The following AGBL4 variants were observed in gnomAD, a reference collection of about 807,000 sequenced individuals.
AGBL4 encodes the protein AGBL carboxypeptidase 4.
AGBL4 carries 58 observed loss-of-function variants against 66.4 expected under a neutral mutation model. The observed-to-expected ratio is 0.87, with a 90% CI of 0.71 to 1.09. The LOEUF is 1.09. Among genes scored for constraint, AGBL4 ranks in the 50% least tolerant of loss-of-function variants. The pLI is 0.00. For missense variants in AGBL4, 579 were observed against 631.0 expected (o/e 0.92, Z 0.88); for synonymous variants, 234 against 222.9 (o/e 1.05, Z -0.44).
intron 2 of AGBL4, among the ~76,000 whole-genome samples, chr1:49,793,903 G>C (rs1644667566): frequency 6.6e-6 from 1 of 151,932 alleles, no homozygotes; most frequent in African/African-American, 2.4e-5. Context: ...TCAGAAGTGT[G>C]AGTTATTGAA....
intron 5 of AGBL4, among the ~76,000 whole-genome samples, chr1:48,892,652 GAGTTTC>G (rs1382890503): frequency 3.8e-4 from 58 of 152,292 alleles, no homozygotes; most frequent in African/African-American, 1.4e-3. Flanking sequence ...GCATTCTTTT[GAGTTTC>G]TGATTAGCCT....
chr1:49,924,031 C>A (rs1460521048), intron 1 of AGBL4, among the ~76,000 whole-genome samples: 2 of 152,146 alleles, frequency 1.3e-5, no homozygotes, highest in Admixed American at 6.6e-5. Flanking sequence ...ATGTTAATTG[C>A]AGCACTATTC....
intron 3 of AGBL4, among the ~76,000 whole-genome samples, chr1:49,301,632 T>C (rs1170131156): frequency 1.3e-5 from 2 of 152,216 alleles, no homozygotes; most frequent in Admixed American, 1.3e-4. Context: ...CCTAGTTTGC[T>C]TCCTGCTCAG....
intron 3 of AGBL4, among the ~76,000 whole-genome samples, chr1:49,535,996 A>C (rs567788697): frequency 1.3e-5 from 2 of 152,318 alleles, no homozygotes; most frequent in East Asian, 3.9e-4. Flanking sequence ...CCAGTGAAAT[A>C]ATGTTTCAGA....
chr1:49,062,046 C>T (rs145017199), intron 4 of AGBL4, among the ~76,000 whole-genome samples: 17 of 152,214 alleles, frequency 1.1e-4, no homozygotes, highest in Non-Finnish European at 1.3e-4. Context: ...GGAGTGCAAA[C>T]CCTATTGTGA....
At chr1:48,684,617 A>T (rs566973322) in intron 6 of AGBL4, among the ~76,000 whole-genome samples, 228 of 152,332 alleles carry the variant, frequency 1.5e-3, no homozygotes, top group Non-Finnish European at 2.8e-3. Flanking sequence ...TTCAAGTGCC[A>T]CTTATGCCTA....
At chr1:49,925,224 CAG>C (rs1402944288) in intron 1 of AGBL4, among the ~76,000 whole-genome samples, 2 of 152,142 alleles carry the variant, frequency 1.3e-5, no homozygotes, top group Non-Finnish European at 2.9e-5. Context: ...GGGCACCTGG[CAG>C]AGTCACGGGG....
chr1:48,862,325 T>C (rs1052811370), intron 6 of AGBL4, among the ~76,000 whole-genome samples: 1 of 152,102 alleles, frequency 6.6e-6, no homozygotes, highest in Non-Finnish European at 1.5e-5. Context: ...GGATTAAAAG[T>C]CACTTTAAAA....
intron 3 of AGBL4, among the ~76,000 whole-genome samples, chr1:49,352,552 G>T (rs12043096): frequency 0.44 from 66,314 of 151,532 alleles, 17,035 homozygotes; most frequent in Non-Finnish European, 0.58. Flanking sequence ...CTTCCAGGGG[G>T]AATAGCAACT....
At chr1:49,596,768 A>G (rs1644861236) in intron 3 of AGBL4, among the ~76,000 whole-genome samples, 1 of 152,210 alleles carries the variant, frequency 6.6e-6, no homozygotes, top group Non-Finnish European at 1.5e-5. Context: ...CAATGATCAC[A>G]TTTTGGAAAG....
chr1:48,942,310 TGGGGG>T (rs4028314), intron 5 of AGBL4, among the ~76,000 whole-genome samples: 1 of 143,108 alleles, frequency 7.0e-6, no homozygotes, highest in African/African-American at 2.6e-5. Context: ...ATTATTGTGG[TGGGGG>T]GGGGGGGTTG....
chr1:49,768,570 T>C (rs1033377084), intron 2 of AGBL4, among the ~76,000 whole-genome samples: 7 of 152,062 alleles, frequency 4.6e-5, no homozygotes, highest in East Asian at 1.9e-4. Context: ...GCCAGTATCA[T>C]AGTGAACAAG....
chr1:48,804,479 A>G (rs1215324730), intron 6 of AGBL4, among the ~76,000 whole-genome samples: 1 of 152,166 alleles, frequency 6.6e-6, no homozygotes, highest in Non-Finnish European at 1.5e-5. Context: ...GGATTTATAC[A>G]CAAGTCTCTC....
intron 1 of AGBL4, among the ~76,000 whole-genome samples, chr1:49,925,341 C>A (rs1341566356): frequency 6.6e-6 from 1 of 152,108 alleles, no homozygotes; most frequent in Non-Finnish European, 1.5e-5. Flanking sequence ...ACAGGATTCG[C>A]CACGTGCTGA....
rs999297381 is a variant in AGBL4, at chr1:48,820,221, C to T, written c.634+46970G>A. Among the ~76,000 whole-genome samples the T allele has an allele frequency of 1.4e-4, 21 of 152,062 alleles. No individual in the cohort carries two copies. The East Asian group carries it at 3.9e-3, about 28-fold the overall frequency. ...GAGTACTGTCTGGGCCCTGGGACTT[C>T]CTTAGAAAACACTCTCATTTAAGGT... is the stretch of plus-strand genomic sequence containing the variant. On this transcript the variant is annotated intron_variant, in intron 6 of 13. Coordinates refer to ENST00000371839, the MANE Select transcript of AGBL4 (RefSeq NM_032785.4).
chr1:48,582,139 AGG>A (rs1444012950), intron 11 of AGBL4, among the ~76,000 whole-genome samples: 1 of 152,200 alleles, frequency 6.6e-6, no homozygotes, highest in Non-Finnish European at 1.5e-5. Flanking sequence ...AAAAGAATGA[AGG>A]TAGCTATTGG....
intron 3 of AGBL4, among the ~76,000 whole-genome samples, chr1:49,436,869 A>G (rs1252058593): frequency 6.6e-6 from 1 of 152,198 alleles, no homozygotes; most frequent in African/African-American, 2.4e-5. Flanking sequence ...AAAATCTTAA[A>G]TTACAATTAC....
chr1:49,238,281 C>T (rs1650945620), intron 4 of AGBL4, among the ~76,000 whole-genome samples: 1 of 152,138 alleles, frequency 6.6e-6, no homozygotes, highest in Non-Finnish European at 1.5e-5. Flanking sequence ...TCACTCTCTC[C>T]TATCGTTCTG....
intron 5 of AGBL4, among the ~76,000 whole-genome samples, chr1:48,923,754 T>G (rs754483563): frequency 6.6e-6 from 1 of 152,220 alleles, no homozygotes. Context: ...GTCTAACATT[T>G]AACGAATTTG....
Sources: allele counts gnomAD v4.1 joint callset (sites outside exome capture counted in the v4.1 genomes callset), GRCh38; gene constraint gnomAD v4.1.1; transcripts MANE v1.5; gene names NCBI Gene and HGNC (gene_info 2026-07-23, HGNC 2026-07-21).